The following SUGCT variants were observed in gnomAD, a reference collection of about 807,000 sequenced individuals.
The protein encoded by SUGCT is succinyl-CoA:glutarate CoA-transferase.
A neutral mutation model predicts 55.0 loss-of-function variants in SUGCT; 41 were observed. The observed-to-expected ratio is 0.74, with a 90% CI of 0.58 to 0.97. SUGCT has a LOEUF of 0.97. SUGCT is among the 50% of genes least tolerant of loss of function. The probability of loss-of-function intolerance (pLI) is 0.00; values close to 1 mark genes in which losing one functional copy is unlikely to be tolerated. For missense variants in SUGCT, 568 were observed against 547.8 expected, an observed-to-expected ratio of 1.04 and a Z score of -0.37; for synonymous variants, 187 against 200.4, an observed-to-expected ratio of 0.93 and a Z score of 0.56.
chr7:40,898,611 C>T, the SUGCT span, among the ~76,000 whole-genome samples: 1 of 151,758 alleles, frequency 6.6e-6, no homozygotes, highest in African/African-American at 2.4e-5. Flanking sequence ...GTAGTCCTAG[C>T]TACGGGGGAA....
chr7:40,500,287 A>T (rs1792206835), intron 12 of SUGCT, among the ~76,000 whole-genome samples: 1 of 152,164 alleles, frequency 6.6e-6, no homozygotes, highest in South Asian at 2.1e-4. Context: ...TCACATTTGT[A>T]CCACACAAGT....
intron 8 of SUGCT, among the ~76,000 whole-genome samples, chr7:40,301,530 T>A (rs950280344): frequency 1.3e-5 from 2 of 152,234 alleles, no homozygotes; most frequent in Non-Finnish European, 2.9e-5. Flanking sequence ...ATTCCACACC[T>A]GGCTTTGCAC....
intron 13 of SUGCT, among the ~76,000 whole-genome samples, chr7:40,789,887 G>A (rs723838): frequency 0.41 from 63,033 of 151,980 alleles, 14,005 homozygotes; most frequent in South Asian, 0.59. Flanking sequence ...TGTGTGGAGG[G>A]GGAGTCTCAG....
Position 40,323,779 on chromosome 7 carries a change from T to C in SUGCT, c.816+6924T>C, listed in dbSNP as rs533637367. On this transcript the variant is annotated intron_variant, in intron 9 of 13. Transcript: ENST00000335693. ...GCGGATAGACTTAATAGTTCATCTA[T>C]TCCTGGCCTGCAGTCAAGTGGTGGA... Among the ~76,000 whole-genome samples the C allele has an allele frequency of 2.0e-5, 3 of 152,342 alleles. No homozygotes were observed. The South Asian group carries it at 6.2e-4, about 32-fold the overall frequency.
intron 13 of SUGCT, among the ~76,000 whole-genome samples, chr7:40,821,759 A>C (rs184420722): frequency 6.6e-6 from 1 of 151,734 alleles, no homozygotes; most frequent in Admixed American, 6.6e-5. Flanking sequence ...TTGTGTCTCT[A>C]TCTCCTTCAG....
chr7:40,924,043 T>G, the SUGCT span, among the ~76,000 whole-genome samples: 1 of 152,120 alleles, frequency 6.6e-6, no homozygotes, highest in Non-Finnish European at 1.5e-5. Flanking sequence ...ATTTGCCCCT[T>G]CTACCAGTTG....
chr7:40,777,494 T>G (rs1474975433), intron 13 of SUGCT, among the ~76,000 whole-genome samples: 6 of 152,124 alleles, frequency 3.9e-5, no homozygotes. Flanking sequence ...GGTCATCTTT[T>G]AATCTGAATG....
Position 40,686,918 on chromosome 7 carries a change from T to C in SUGCT, c.1090-62516T>C, listed in dbSNP as rs1189405694. 2.6e-5 allele frequency among the ~76,000 whole-genome samples: 4 copies of C among 152,098 alleles called. No individual in the cohort carries two copies. In the East Asian group the frequency reaches 7.7e-4, roughly 29 times the overall value. ...AGGGGCAATCACCTATTTACAAACT[T>C]TAAGCCGATGCTCATGTTTTCAGTG... is the stretch of plus-strand genomic sequence containing the variant. On this transcript the variant is annotated intron_variant, in intron 12 of 13. Transcript: ENST00000335693.
In SUGCT at chr7:40,299,681, A is replaced by G. The variant is rs370599974; in HGVS notation, c.721-17079A>G. The stretch of plus-strand genomic sequence containing the variant: ...AAAATTAATGAACTAAATCATGCTT[A>G]TCAGTTGCCAATTTATAATCTCTGA... On this transcript the variant is annotated intron_variant, in intron 8 of 13. Coordinates refer to ENST00000335693, the MANE Select transcript of SUGCT (RefSeq NM_001193313.2). Among the ~76,000 whole-genome samples, 3 of 152,238 alleles carry G rather than the reference A, an allele frequency of 2.0e-5. No homozygotes were observed. In the South Asian group the frequency reaches 6.2e-4, roughly 32 times the overall value.
intron 9 of SUGCT, among the ~76,000 whole-genome samples, chr7:40,391,793 C>T (rs565732231): frequency 4.9e-4 from 74 of 152,230 alleles, no homozygotes; most frequent in African/African-American, 1.6e-3. Flanking sequence ...GTCATATACC[C>T]GAAGGATTAT....
chr7:40,641,475 T>C (rs532759300), intron 12 of SUGCT, among the ~76,000 whole-genome samples: 1 of 152,268 alleles, frequency 6.6e-6, no homozygotes, highest in East Asian at 1.9e-4. Context: ...AAGAGGGCAC[T>C]CTTGGGTGCG....
At chr7:40,156,092 A>T (rs1455905657) in intron 1 of SUGCT, among the ~76,000 whole-genome samples, 2 of 151,996 alleles carry the variant, frequency 1.3e-5, no homozygotes, top group African/African-American at 2.4e-5. Context: ...CCTGACCTGA[A>T]GTGATCCACC....
chr7:40,817,516 C>A (rs1791736820), intron 13 of SUGCT, among the ~76,000 whole-genome samples: 1 of 152,122 alleles, frequency 6.6e-6, no homozygotes, highest in Admixed American at 6.5e-5. Flanking sequence ...ACAATTATAT[C>A]AACTATTGAT....
chr7:40,506,590 C>T (rs1009564539), intron 12 of SUGCT, among the ~76,000 whole-genome samples: 2 of 152,062 alleles, frequency 1.3e-5, no homozygotes, highest in East Asian at 3.8e-4. Flanking sequence ...TTCATAAAAT[C>T]TGAATAGTTT....
At chr7:40,172,985 C>T (rs1351064414) in intron 1 of SUGCT, among the ~76,000 whole-genome samples, 2 of 152,282 alleles carry the variant, frequency 1.3e-5, no homozygotes, top group Non-Finnish European at 1.5e-5. Flanking sequence ...TGGAGAATCC[C>T]CAGACGAGGC....
the SUGCT span, among the ~76,000 whole-genome samples, chr7:40,999,310 G>A: frequency 6.6e-6 from 1 of 151,704 alleles, no homozygotes; most frequent in Non-Finnish European, 1.5e-5. Context: ...ACAAACATCA[G>A]CCTTGGGACT....
intron 2 of SUGCT, among the ~76,000 whole-genome samples, chr7:40,181,604 G>A (rs1308190523): frequency 1.3e-5 from 2 of 152,110 alleles, no homozygotes; most frequent in African/African-American, 4.8e-5. Flanking sequence ...AAATTAGCCA[G>A]GCGTGGTGGT....
intron 6 of SUGCT, among the ~76,000 whole-genome samples, chr7:40,227,705 C>T (rs557817187): frequency 6.6e-5 from 10 of 151,586 alleles, no homozygotes; most frequent in African/African-American, 1.2e-4. Context: ...CTAAATATTT[C>T]GGGATATATC....
At chr7:40,879,624 T>C in the SUGCT span, among the ~76,000 whole-genome samples, 19 of 152,358 alleles carry the variant, frequency 1.2e-4, no homozygotes, top group African/African-American at 4.6e-4. Context: ...CAGTTTCTTT[T>C]ATTCTATAAT....
Sources: gnomAD v4.1 joint callset for allele counts (sites outside exome capture counted in the v4.1 genomes callset) on GRCh38, gnomAD v4.1.1 for gene constraint, MANE v1.5 for transcripts, NCBI Gene and HGNC (gene_info 2026-07-23, HGNC 2026-07-21) for gene names.